The following USP2 variants were observed in gnomAD, a reference collection of about 807,000 sequenced individuals.
USP2 encodes ubiquitin carboxyl-terminal hydrolase 2.
A neutral mutation model predicts 72.0 loss-of-function variants in USP2; 33 were observed. The observed-to-expected ratio is 0.46, with a 90% confidence interval of 0.35 to 0.61. USP2 has a LOEUF of 0.61. Ranked by LOEUF, USP2 falls within the 20% of genes least tolerant of loss-of-function variation. The pLI, the probability that USP2 is intolerant of heterozygous loss-of-function variation, is 0.01. For synonymous variants in USP2, 296 were observed against 312.5 expected, an observed-to-expected ratio of 0.95 and a Z score of 0.56; for missense variants, 691 against 797.8, an observed-to-expected ratio of 0.87 and a Z score of 1.61.
chr11:119,365,954 G>A (rs1950847245), intron 2 of USP2, among the ~76,000 whole-genome samples: 1 of 151,478 alleles, frequency 6.6e-6, no homozygotes. Context: ...GAGTGCAGTG[G>A]CACGATCTCG....
In USP2 at chr11:119,373,162, G is replaced by C. The variant is rs1380212216; in HGVS notation, c.319C>G (p.Leu107Val). ...TAAGGGAATCCGCTGCCCCCGCTGA[G>C]GCCACTGCCTAAAGGCCGCTCAGTA... ...RGTERPLGSGLSGGSGFPYGV... is the reference protein window; with the variant it reads ...RGTERPLGSGVSGGSGFPYGV... Residue 107 changes from leucine (L) to valine (V), a missense_variant, in exon 2 of 13, where the codon CTC (leucine) becomes GTC (valine). Physicochemically the swap from Leu to Val is conservative, Grantham distance 32. Coordinates refer to ENST00000260187, the MANE Select transcript of USP2 (RefSeq NM_004205.5). The C allele has an allele frequency of 4.3e-6, 7 of 1,614,142 alleles. No homozygotes were observed. The highest frequency in any genetic ancestry group is 5.9e-6 in the Non-Finnish European group (7 of 1,180,032).
chr11:119,356,756 T>G lies in USP2; in HGVS notation c.*79A>C. 1.5e-6 allele frequency: 2 copies of G among 1,313,432 alleles called. No homozygotes were observed. The highest frequency in any genetic ancestry group is 2.1e-6 in the Non-Finnish European group (2 of 961,842). 81.4% of individuals were successfully genotyped at this position (1,313,432 alleles called of 1,614,324 possible). A position where few individuals can be genotyped will look rare whatever the true frequency, so the allele number is the denominator to read the frequency against. On this transcript the variant is annotated 3_prime_UTR_variant, in exon 13 of 13. Coordinates refer to ENST00000260187, the MANE Select transcript of USP2 (RefSeq NM_004205.5). ...TTGTCAGGTTTGTGTGTTGTTGTTG[T>G]TGTTTTGTTTTTGTCTTTTTAAAAA...
chr11:119,375,207 G>T (rs1399787915), intron 1 of USP2, among the ~76,000 whole-genome samples: 1 of 152,106 alleles, frequency 6.6e-6, no homozygotes, highest in Non-Finnish European at 1.5e-5. Flanking sequence ...GCAGAGAGGA[G>T]CTGGTGCCAA....
At chr11:119,371,366 C>T (rs1224835934) in intron 2 of USP2, among the ~76,000 whole-genome samples, 1 of 152,164 alleles carries the variant, frequency 6.6e-6, no homozygotes, top group Non-Finnish European at 1.5e-5. Context: ...CAGCACGCAG[C>T]ACCCTGAGAG....
intron 2 of USP2, among the ~76,000 whole-genome samples, chr11:119,369,098 A>T (rs915794408): frequency 1.3e-5 from 2 of 152,140 alleles, no homozygotes; most frequent in African/African-American, 4.8e-5. Context: ...TGGAGTCCCC[A>T]CTTGGGTTAG....
intron 2 of USP2, chr11:119,364,220 C>G (rs1565307877): frequency 4.5e-6 from 5 of 1,111,588 alleles, no homozygotes; most frequent in East Asian, 1.0e-4. Context: ...GCGGCCCCGC[C>G]GGCGCCTCGG....
intron 2 of USP2, among the ~76,000 whole-genome samples, chr11:119,367,417 T>C (rs1175707657): frequency 1.3e-5 from 2 of 152,210 alleles, no homozygotes; most frequent in Non-Finnish European, 2.9e-5. Context: ...CAGGGTTTGG[T>C]GACACTGCTG....
In USP2 at chr11:119,355,408, T is replaced by C. The variant is rs1045624056; in HGVS notation, c.*1427A>G. 2 of 152,278 alleles carry C rather than the reference T, an allele frequency of 1.3e-5. No individual in the cohort carries two copies. Among genetic ancestry groups the C allele is most frequent in the African/African-American group, 4.8e-5 (2 of 41,464 alleles). 9.4% of individuals were successfully genotyped at this position (152,278 alleles called of 1,614,324 possible). On this transcript the variant is annotated 3_prime_UTR_variant, in exon 13 of 13. Transcript: ENST00000260187. Reference sequence around the variant, plus strand: ...GATGCCTCCTCCTAGGAGCCTGGAATGTGCCAGGCTCCACGGGGCACAAGC... The same window carrying C: ...GATGCCTCCTCCTAGGAGCCTGGAACGTGCCAGGCTCCACGGGGCACAAGC...
chr11:119,359,587 T>G lies in USP2; in HGVS notation c.899A>C (p.Tyr300Ser). Reference protein sequence around the residue: ...ELRDYCLQRLYMRDLHHGSNA... With the variant: ...ELRDYCLQRLSMRDLHHGSNA... ...GCTGCCGTGGTGCAGGTCCCGCATG[T>G]AGAGCCTCTGGAGGCAGTAATCTCT... Residue 300 changes from tyrosine (Y) to serine (S), a missense_variant, in exon 4 of 13, where the codon TAC becomes TCC. Tyr to Ser is a moderately radical substitution (Grantham distance 144, BLOSUM62 -2). Transcript: ENST00000260187. 1 of 1,614,042 alleles carries G rather than the reference T, an allele frequency of 6.2e-7. No individual in the cohort carries two copies. The highest frequency in any genetic ancestry group is 1.1e-5 in the South Asian group (1 of 91,070).
chr11:119,364,047 G>T (rs1279371384), intron 2 of USP2: 4 of 1,256,424 alleles, frequency 3.2e-6, no homozygotes, highest in East Asian at 6.6e-5. Flanking sequence ...GGCAGCGGGG[G>T]CGCGGGGGGA....
At chr11:119,376,317 GGACGGGCACT>G in intron 1 of USP2, 1 of 985,644 alleles carries the variant, frequency 1.0e-6, no homozygotes, top group Non-Finnish European at 1.2e-6. Flanking sequence ...GACAGGGACA[GGACGGGCACT>G]CACGTGGCTG....
intron 2 of USP2, among the ~76,000 whole-genome samples, chr11:119,369,163 G>T (rs1249481665): frequency 1.3e-5 from 2 of 152,166 alleles, no homozygotes; most frequent in Non-Finnish European, 2.9e-5. Flanking sequence ...TAAGCAGAAG[G>T]TGAAGTCTCA....
At chr11:119,357,348 C>T (rs746071332) in intron 11 of USP2, 41 bp from the exon 12 acceptor site, 41 of 1,599,280 alleles carry the variant, frequency 2.6e-5, no homozygotes, top group Middle Eastern at 1.7e-4. Flanking sequence ...GGCCCCCCTG[C>T]CCCGACTTCC....
intron 2 of USP2, among the ~76,000 whole-genome samples, chr11:119,361,149 C>T (rs1283163496): frequency 1.3e-5 from 2 of 152,344 alleles, no homozygotes; most frequent in East Asian, 3.9e-4. Context: ...GAGAATCCTC[C>T]CTGCCTGGCT....
chr11:119,364,192 T>G, intron 2 of USP2: 2 of 1,167,028 alleles, frequency 1.7e-6, no homozygotes, highest in Non-Finnish European at 2.1e-6. Flanking sequence ...GTCCCGGCTC[T>G]CGCGCTCCGG....
At chr11:119,358,669 A>G (rs1950712624) in intron 7 of USP2, 104 bp downstream of exon 7, 1 of 1,376,654 alleles carries the variant, frequency 7.3e-7, no homozygotes, top group Non-Finnish European at 1.0e-6. Context: ...AACACTAGGC[A>G]GAAACAGGCT....
chr11:119,365,894 T>A (rs60019927), intron 2 of USP2, among the ~76,000 whole-genome samples: 2,081 of 121,798 alleles, frequency 0.017, 63 homozygotes, highest in African/African-American at 0.056. Context: ...ATTTTATTTG[T>A]TTTGTTTTTT....
In USP2 at chr11:119,356,884, T is replaced by G; in HGVS notation, c.1769A>C (p.Asp590Ala). The change falls in exon 13 of 13, where the codon GAC becomes GCC. Residue 590 changes from aspartate (D) to alanine (A), a missense_variant. Asp to Ala is a moderately radical substitution (Grantham distance 126). Transcript: ENST00000260187. The part of the protein sequence containing the change: ...PMSSSQVRTS[D>A]AYLLFYELAS... Reference sequence around the variant, plus strand: ...CAGTTCGTAGAAGAGCAGGTAGGCGTCGCTGGTGCGCACTTGGCTGGAGGA... The same window carrying G: ...CAGTTCGTAGAAGAGCAGGTAGGCGGCGCTGGTGCGCACTTGGCTGGAGGA... The G allele has an allele frequency of 6.4e-7, 1 of 1,565,074 alleles. No homozygotes were observed. Among genetic ancestry groups the G allele is most frequent in the Non-Finnish European group, 8.7e-7 (1 of 1,155,248 alleles).
intron 1 of USP2, among the ~76,000 whole-genome samples, chr11:119,378,041 G>A (rs1444627095): frequency 3.9e-5 from 6 of 152,112 alleles, no homozygotes; most frequent in African/African-American, 1.2e-4. Flanking sequence ...TCAGGTGCCC[G>A]GAAAAGGTGA....
Sources: allele counts gnomAD v4.1 joint callset (sites outside exome capture counted in the v4.1 genomes callset), GRCh38; gene constraint gnomAD v4.1.1; transcripts MANE v1.5; gene names NCBI Gene and HGNC (gene_info 2026-07-23, HGNC 2026-07-21).